The following KANSL1 variants were observed in gnomAD, a reference collection of about 807,000 sequenced individuals.
KANSL1 encodes KAT8 regulatory NSL complex subunit 1.
In KANSL1, 22 loss-of-function variants were observed where a neutral mutation model predicts 103.6. That is an observed-to-expected ratio of 0.21 (90% CI 0.15 to 0.30). The LOEUF (loss-of-function observed/expected upper bound fraction) is 0.30. Ranked by LOEUF, KANSL1 falls within the 10% of genes least tolerant of loss-of-function variation. KANSL1 has a pLI of 1.00. For missense variants in KANSL1, 1,337 were observed against 1,399.8 expected (o/e 0.96, Z 0.72); for synonymous variants, 600 against 527.6 (o/e 1.14, Z -1.88).
intron 1 of KANSL1, among the ~76,000 whole-genome samples, chr17:46,190,320 G>T (rs1289799969): frequency 6.6e-6 from 1 of 152,222 alleles, no homozygotes; most frequent in African/African-American, 2.4e-5. Context: ...AAACACTCAC[G>T]TAACAAAGAG....
At chr17:46,176,622 C>G (rs2046531079) in intron 1 of KANSL1, among the ~76,000 whole-genome samples, 2 of 151,282 alleles carry the variant, frequency 1.3e-5, no homozygotes, top group Admixed American at 1.3e-4. Flanking sequence ...ACCCAGGCAG[C>G]AGAGGTTGCA....
chr17:46,129,161 T>C (rs1212841178), intron 2 of KANSL1, among the ~76,000 whole-genome samples: 3 of 152,210 alleles, frequency 2.0e-5, no homozygotes, highest in Admixed American at 6.5e-5. Flanking sequence ...AGGGCCATGT[T>C]TGTCCTATTC....
chr17:46,101,708 C>CGT (rs1448210688), intron 2 of KANSL1, among the ~76,000 whole-genome samples: 2 of 125,306 alleles, frequency 1.6e-5, no homozygotes, highest in Non-Finnish European at 3.1e-5. Flanking sequence ...GAGTCGAGAT[C>CGT]GTGCCACTGC....
upstream of KANSL1, among the ~76,000 whole-genome samples, chr17:46,196,947 A>C (rs1050766492): frequency 9.9e-5 from 15 of 152,130 alleles, no homozygotes; most frequent in Admixed American, 3.3e-4. Flanking sequence ...TCTCTTCAAA[A>C]AATAAATAAT....
chr17:46,116,336 C>G (rs2043046168), intron 2 of KANSL1, among the ~76,000 whole-genome samples: 1 of 152,168 alleles, frequency 6.6e-6, no homozygotes, highest in African/African-American at 2.4e-5. Context: ...CAAGACCATC[C>G]TGGCTAACAC....
chr17:46,147,363 C>G (rs948874990), intron 2 of KANSL1, among the ~76,000 whole-genome samples: 1 of 152,150 alleles, frequency 6.6e-6, no homozygotes, highest in African/African-American at 2.4e-5. Context: ...CACTTGAGTT[C>G]AGGAGTTCAC....
chr17:46,085,403 G>T (rs1177620593), intron 3 of KANSL1, among the ~76,000 whole-genome samples: 1 of 152,212 alleles, frequency 6.6e-6, no homozygotes, highest in Non-Finnish European at 1.5e-5. Flanking sequence ...AAAGCACGGT[G>T]ATTGTATCTT....
chr17:46,117,738 TAAAA>T (rs898290686), intron 2 of KANSL1, among the ~76,000 whole-genome samples: 6 of 151,920 alleles, frequency 3.9e-5, no homozygotes, highest in African/African-American at 1.5e-4. Context: ...CATAAATAAA[TAAAA>T]AGCTAGGGAA....
At chr17:46,165,394 G>A (rs548086795) in intron 2 of KANSL1, among the ~76,000 whole-genome samples, 109 of 152,180 alleles carry the variant, frequency 7.2e-4, no homozygotes, top group Admixed American at 1.2e-3. Context: ...CACCACGCCC[G>A]GCTAATTTTT....
At chr17:46,043,181 T>G (rs2077386156) in intron 7 of KANSL1, 1 of 152,166 alleles carries the variant, frequency 6.6e-6, no homozygotes, top group East Asian at 1.9e-4. Flanking sequence ...AGCAGAAGAG[T>G]TACTCCCACT....
chr17:46,055,923 G>A (rs1274659246), intron 6 of KANSL1, among the ~76,000 whole-genome samples: 1 of 152,166 alleles, frequency 6.6e-6, no homozygotes, highest in Non-Finnish European at 1.5e-5. Context: ...GGAAAACCAA[G>A]AGGTCATACA....
At chr17:46,185,396 C>G (rs2046974051) in intron 1 of KANSL1, among the ~76,000 whole-genome samples, 1 of 152,210 alleles carries the variant, frequency 6.6e-6, no homozygotes, top group African/African-American at 2.4e-5. Flanking sequence ...TGTACCCAGA[C>G]TAGGAAACTT....
At chr17:46,147,328 C>G (rs2044764967) in intron 2 of KANSL1, among the ~76,000 whole-genome samples, 1 of 152,168 alleles carries the variant, frequency 6.6e-6, no homozygotes, top group Admixed American at 6.5e-5. Context: ...AAACCCAGCA[C>G]TTTGGAAGGC....
chr17:46,146,323 T>C (rs2044696752), intron 2 of KANSL1, among the ~76,000 whole-genome samples: 1 of 152,212 alleles, frequency 6.6e-6, no homozygotes, highest in Non-Finnish European at 1.5e-5. Flanking sequence ...ATCAGCTCTA[T>C]TTACAGAGAG....
Position 46,213,916 on chromosome 17 carries a change from TA to T in KANSL1, c.-90+9754del, listed in dbSNP as rs77233059. ...CTGGGCAACAGAGTGAGACTCCATT[TA>T]AAAAAAAAAAAACTAATATGCAAGA... On this transcript the variant is annotated intron_variant, in intron 1 of 14. Transcript: ENST00000572904. Among the ~76,000 whole-genome samples the T allele has an allele frequency of 3.3e-3, 480 of 145,750 alleles. 2 individuals carry two copies. The highest frequency in any genetic ancestry group is 0.018 in the East Asian group (87 of 4,874).
At chr17:46,063,895 G>A (rs2078269079) in intron 6 of KANSL1, among the ~76,000 whole-genome samples, 2 of 140,364 alleles carry the variant, frequency 1.4e-5, no homozygotes, top group Non-Finnish European at 1.6e-5. Flanking sequence ...ATGAGGTGGC[G>A]GTTTTTTTTT....
chr17:46,191,135 A>G (rs1025375121), intron 1 of KANSL1, among the ~76,000 whole-genome samples: 1 of 152,266 alleles, frequency 6.6e-6, no homozygotes, highest in South Asian at 2.1e-4. Context: ...ATTTTATAAA[A>G]TAGGAGTTTA....
At chr17:46,085,315 A>C (rs2079124440) in intron 3 of KANSL1, among the ~76,000 whole-genome samples, 1 of 152,154 alleles carries the variant, frequency 6.6e-6, no homozygotes, top group Non-Finnish European at 1.5e-5. Context: ...GAGATTTTCA[A>C]CAAGTCCCAC....
chr17:46,033,532 T>C (rs1483276475), intron 11 of KANSL1, 72 bp from the exon 12 acceptor site: 38 of 1,267,702 alleles, frequency 3.0e-5, no homozygotes, highest in Non-Finnish European at 4.4e-5. Flanking sequence ...AAAGTGTCCA[T>C]GCAAGGATGA....
Sources: gnomAD v4.1 joint callset for allele counts (sites outside exome capture counted in the v4.1 genomes callset) on GRCh38, gnomAD v4.1.1 for gene constraint, MANE v1.5 for transcripts, NCBI Gene and HGNC (gene_info 2026-07-23, HGNC 2026-07-21) for gene names.